PPP2R5A: variants seen among roughly 807,000 people sequenced by gnomAD.
PPP2R5A encodes serine/threonine-protein phosphatase 2A 56 kDa regulatory subunit alpha isoform.
A neutral mutation model predicts 64.2 loss-of-function variants in PPP2R5A; 25 were observed. The observed-to-expected ratio is 0.39, with a 90% CI of 0.28 to 0.54. The LOEUF is 0.54. PPP2R5A is among the 20% of genes least tolerant of loss of function. The pLI is 0.67. For missense variants in PPP2R5A, 425 were observed against 576.3 expected (o/e 0.74, Z 2.69); for synonymous variants, 198 against 201.2 (o/e 0.98, Z 0.13).
In PPP2R5A at chr1:212,361,289, A is replaced by G. The variant is rs1044590203; in HGVS notation, c.*519A>G. ...CCTGCCCTAACCCCTCCCTCAATAA[A>G]TACATTACTGTACTCTGGAATTTAG... On this transcript the variant is annotated 3_prime_UTR_variant, in exon 13 of 13. Transcript: ENST00000261461. 6.5e-6 allele frequency: 1 copy of G among 152,686 alleles called. No individual in the cohort carries two copies. Among genetic ancestry groups the G allele is most frequent in the Admixed American group, 6.5e-5 (1 of 15,284 alleles). 9.5% of individuals were successfully genotyped at this position (152,686 alleles called of 1,614,324 possible). A position where few individuals can be genotyped will look rare whatever the true frequency, so the allele number is the denominator to read the frequency against.
intron 1 of PPP2R5A, among the ~76,000 whole-genome samples, chr1:212,306,465 TAC>T (rs1394523007): frequency 6.6e-6 from 1 of 152,170 alleles, no homozygotes; most frequent in Non-Finnish European, 1.5e-5. Context: ...TAAAAATATA[TAC>T]AGTTTGATAT....
At chr1:212,354,290 G>A (rs1659940282) in intron 8 of PPP2R5A, among the ~76,000 whole-genome samples, 1 of 152,172 alleles carries the variant, frequency 6.6e-6, no homozygotes, top group South Asian at 2.1e-4. Context: ...GGCTGGGGTA[G>A]GGGGATCTCT....
intron 8 of PPP2R5A, among the ~76,000 whole-genome samples, chr1:212,356,252 C>T (rs1250513215): frequency 6.6e-6 from 1 of 152,026 alleles, no homozygotes; most frequent in Non-Finnish European, 1.5e-5. Flanking sequence ...CTCACCCCAC[C>T]AACTTATATT....
At chr1:212,360,615 C>T in intron 12 of PPP2R5A, 23 bp from the exon 13 acceptor site, 1 of 1,519,402 alleles carries the variant, frequency 6.6e-7, no homozygotes, top group Non-Finnish European at 8.9e-7. Flanking sequence ...TTTCTGATTA[C>T]AAAAATTTTG....
At chr1:212,305,365 C>T (rs1658879606) in intron 1 of PPP2R5A, among the ~76,000 whole-genome samples, 1 of 143,554 alleles carries the variant, frequency 7.0e-6, no homozygotes, top group Non-Finnish European at 1.6e-5. Flanking sequence ...TAACTTCATT[C>T]CTTTGTGGTC....
intron 1 of PPP2R5A, among the ~76,000 whole-genome samples, chr1:212,325,314 AGATTAAGTTT>A (rs1195148862): frequency 2.0e-5 from 3 of 152,200 alleles, no homozygotes; most frequent in African/African-American, 7.2e-5. Context: ...GGAGAATGTG[AGATTAAGTTT>A]GTTCTTAAAG....
At chr1:212,344,935 G>C (rs1256111250) in intron 4 of PPP2R5A, among the ~76,000 whole-genome samples, 3 of 152,076 alleles carry the variant, frequency 2.0e-5, no homozygotes, top group Non-Finnish European at 4.4e-5. Flanking sequence ...ACACCGAGGA[G>C]GGTGGATCGC....
chr1:212,326,513 C>A (rs534594469), intron 1 of PPP2R5A, among the ~76,000 whole-genome samples: 46 of 152,252 alleles, frequency 3.0e-4, no homozygotes, highest in Middle Eastern at 3.4e-3. Context: ...AGGAAAATTG[C>A]ATGAACCTGG....
At chr1:212,353,134 T>C (rs879111767) in intron 8 of PPP2R5A, among the ~76,000 whole-genome samples, 3 of 152,206 alleles carry the variant, frequency 2.0e-5, no homozygotes, top group South Asian at 2.1e-4. Flanking sequence ...TTCACATGTA[T>C]GTTGGCAGAA....
intron 1 of PPP2R5A, among the ~76,000 whole-genome samples, chr1:212,326,982 C>G (rs1056717938): frequency 6.6e-6 from 1 of 152,146 alleles, no homozygotes; most frequent in African/African-American, 2.4e-5. Flanking sequence ...CTTAGAATAC[C>G]TGACCTACTA....
intron 1 of PPP2R5A, among the ~76,000 whole-genome samples, chr1:212,301,271 C>A (rs895833197): frequency 6.6e-6 from 1 of 152,150 alleles, no homozygotes; most frequent in East Asian, 1.9e-4. Context: ...TTGGCCCCCC[C>A]AAAGTGCTGG....
At chr1:212,339,201 G>A (rs1351502422) in intron 3 of PPP2R5A, among the ~76,000 whole-genome samples, 1 of 152,020 alleles carries the variant, frequency 6.6e-6, no homozygotes, top group Non-Finnish European at 1.5e-5. Flanking sequence ...TTCTGAGATG[G>A]AGTTTTGCTC....
At chr1:212,334,561 G>A (rs1659559382) in intron 3 of PPP2R5A, among the ~76,000 whole-genome samples, 1 of 152,088 alleles carries the variant, frequency 6.6e-6, no homozygotes, top group African/African-American at 2.4e-5. Flanking sequence ...CAAAGTGCTG[G>A]GATTACAGGT....
At position 212,361,109 on chromosome 1, in the gene PPP2R5A, TA is replaced by T. The variant is rs1431866154; in HGVS notation, c.*340del. 6.1e-6 allele frequency: 1 copy of T among 164,246 alleles called. No homozygotes were observed. Among genetic ancestry groups the T allele is most frequent in the East Asian group, 1.6e-4 (1 of 6,082 alleles). 10.2% of individuals were successfully genotyped at this position (164,246 alleles called of 1,614,324 possible). ...TTGATTGTGTTGCACATAGATATGG[TA>T]GTCTGCTCTGTATATTTTTCCCTTT... On this transcript the variant is annotated 3_prime_UTR_variant, in exon 13 of 13. Transcript: ENST00000261461.
intron 5 of PPP2R5A, among the ~76,000 whole-genome samples, 176 bp from the exon 6 acceptor site, chr1:212,347,171 C>T (rs1029266910): frequency 6.6e-6 from 1 of 152,078 alleles, no homozygotes; most frequent in African/African-American, 2.4e-5. Context: ...GAAACATCTT[C>T]TTTTTTAAGA....
Position 212,286,118 on chromosome 1 carries a change from C to A in PPP2R5A, c.8C>A (p.Ser3Ter). The change falls in exon 1 of 13, where the codon TCG (serine) becomes TAG (stop). Residue 3 changes from serine (S) to a stop codon, truncating the protein, a stop_gained. Coordinates refer to ENST00000261461, the MANE Select transcript of PPP2R5A (RefSeq NM_006243.4). LOFTEE classifies it high-confidence loss of function. MS[S>*]SSPPAGAASA... ...AGCGTCAGGGCCGCGGAGATGTCGT[C>A]GTCGTCGCCGCCGGCGGGGGCTGCC... 1 of 1,572,796 alleles carries A rather than the reference C, an allele frequency of 6.4e-7. No homozygotes were observed. Among genetic ancestry groups the A allele is most frequent in the East Asian group, 2.4e-5 (1 of 42,390 alleles).
intron 2 of PPP2R5A, among the ~76,000 whole-genome samples, chr1:212,331,040 C>A (rs184166381): frequency 6.6e-6 from 1 of 151,544 alleles, no homozygotes; most frequent in South Asian, 2.1e-4. Flanking sequence ...TGGTGGTGGG[C>A]GCCTGTAATC....
rs764729691 is a variant in PPP2R5A, at chr1:212,286,243, C to T, written c.133C>T (p.Arg45Cys). 1.3e-6 allele frequency: 2 copies of T among 1,554,126 alleles called. No individual in the cohort carries two copies. Among genetic ancestry groups the T allele is most frequent in the South Asian group, 1.2e-5 (1 of 84,448 alleles). The change falls in exon 1 of 13, where the codon CGC (arginine) becomes TGC (cysteine). Residue 45 changes from arginine to cysteine, a missense_variant. Physicochemically the swap from Arg to Cys is radical, Grantham distance 180. This residue lies in a region of PPP2R5A where 104 missense variants were observed against 95.7 expected (regional missense o/e 1.09). Coordinates refer to ENST00000261461, the MANE Select transcript of PPP2R5A (RefSeq NM_006243.4). ...QKRSQGSSQF[R>C]SQGSQAELHP... ...GCGCTCCCAGGGCTCGTCGCAGTTT[C>T]GCAGCCAGGGCAGCCAGGCAGAGCT... is the stretch of plus-strand genomic sequence containing the variant.
chr1:212,310,811 T>A (rs576618712), intron 1 of PPP2R5A, among the ~76,000 whole-genome samples: 6 of 152,266 alleles, frequency 3.9e-5, no homozygotes, highest in African/African-American at 1.4e-4. Context: ...CTAGAACTTA[T>A]CCTCAGCAAC....
Sources: gnomAD v4.1 joint callset for allele counts (sites outside exome capture counted in the v4.1 genomes callset) on GRCh38, gnomAD v4.1.1 for gene constraint, gnomAD v4.1.1 regional missense constraint, MANE v1.5 for transcripts, NCBI Gene and HGNC (gene_info 2026-07-23, HGNC 2026-07-21) for gene names.